The following TBCK variants were observed in gnomAD, a reference collection of about 807,000 sequenced individuals.
TBCK encodes TBC1 domain containing kinase.
Under a neutral mutation model 113.4 loss-of-function variants are expected in TBCK, and 99 were observed. The observed-to-expected ratio is 0.87, with a 90% CI of 0.74 to 1.03. TBCK has a LOEUF of 1.03. TBCK is among the 50% of genes least tolerant of loss of function. The pLI is 0.00. For missense variants in TBCK, 1,045 were observed against 1,061.3 expected, an observed-to-expected ratio of 0.98 and a Z score of 0.21; for synonymous variants, 369 against 370.8, an observed-to-expected ratio of 1.00 and a Z score of 0.05.
chr4:106,068,756 C>A (rs1036112843), intron 25 of TBCK, among the ~76,000 whole-genome samples: 1 of 151,626 alleles, frequency 6.6e-6, no homozygotes, highest in Non-Finnish European at 1.5e-5. Flanking sequence ...CTAGTTTACA[C>A]CCCCAACAGT....
chr4:106,284,378 T>C (rs910215168), intron 3 of TBCK, among the ~76,000 whole-genome samples: 1 of 152,134 alleles, frequency 6.6e-6, no homozygotes, highest in African/African-American at 2.4e-5. Context: ...GAGTAGGCAA[T>C]GTTTTAACAG....
At chr4:106,275,611 C>T (rs1203280206) in intron 3 of TBCK, among the ~76,000 whole-genome samples, 1 of 152,016 alleles carries the variant, frequency 6.6e-6, no homozygotes, top group African/African-American at 2.4e-5. Flanking sequence ...ATAAAAAATT[C>T]ACATATTTCT....
intron 23 of TBCK, among the ~76,000 whole-genome samples, chr4:106,152,617 T>A (rs2149685181): frequency 6.6e-6 from 1 of 152,186 alleles, no homozygotes; most frequent in African/African-American, 2.4e-5. Flanking sequence ...TTTGGAAATC[T>A]TCCCTCCACT....
At chr4:106,273,208 A>G (rs1173750907) in intron 3 of TBCK, among the ~76,000 whole-genome samples, 1 of 152,238 alleles carries the variant, frequency 6.6e-6, no homozygotes, top group Non-Finnish European at 1.5e-5. Flanking sequence ...ACAACTTAAG[A>G]TGAAGTTCCT....
chr4:106,246,017 G>A (rs62318082), intron 10 of TBCK, among the ~76,000 whole-genome samples: 11,660 of 152,106 alleles, frequency 0.077, 509 homozygotes, highest in Middle Eastern at 0.18. Context: ...TATTGGAAAA[G>A]GAATAAGGGG....
intron 5 of TBCK, among the ~76,000 whole-genome samples, chr4:106,258,749 A>C (rs1579424308): frequency 6.6e-6 from 1 of 151,990 alleles, no homozygotes; most frequent in African/African-American, 2.4e-5. Context: ...AATCACTTGT[A>C]CTACAGCTAC....
At chr4:106,146,445 G>T (rs1412645884) in intron 23 of TBCK, among the ~76,000 whole-genome samples, 2 of 152,102 alleles carry the variant, frequency 1.3e-5, no homozygotes, top group East Asian at 3.9e-4. Context: ...TACTTGAGGA[G>T]GGAGAGTGGA....
At chr4:106,070,175 A>G (rs999837644) in intron 25 of TBCK, among the ~76,000 whole-genome samples, 8 of 152,056 alleles carry the variant, frequency 5.3e-5, no homozygotes, top group Non-Finnish European at 1.2e-4. Flanking sequence ...TTCCAACACT[A>G]TGTTGAATAG....
At chr4:106,179,504 C>T (rs1040310470) in intron 22 of TBCK, among the ~76,000 whole-genome samples, 2 of 151,982 alleles carry the variant, frequency 1.3e-5, no homozygotes, top group Admixed American at 6.6e-5. Context: ...TCTTCATTGA[C>T]CCATTTGCTA....
At chr4:106,118,387 C>A in intron 23 of TBCK, among the ~76,000 whole-genome samples, 1 of 152,134 alleles carries the variant, frequency 6.6e-6, no homozygotes. Context: ...ATGGAAATTG[C>A]TAAGCTTTAT....
chr4:106,294,715 T>G (rs1167896845), intron 3 of TBCK, among the ~76,000 whole-genome samples: 1 of 151,844 alleles, frequency 6.6e-6, no homozygotes, highest in Non-Finnish European at 1.5e-5. Context: ...TCTCCTGACC[T>G]TGTGATCCGC....
intron 2 of TBCK, among the ~76,000 whole-genome samples, chr4:106,308,415 A>G (rs1465256444): frequency 6.6e-6 from 1 of 152,224 alleles, no homozygotes; most frequent in Non-Finnish European, 1.5e-5. Context: ...TACAAAATCA[A>G]GGATATGTGA....
intron 19 of TBCK, among the ~76,000 whole-genome samples, chr4:106,226,458 T>C (rs1160255701): frequency 6.6e-6 from 1 of 152,168 alleles, no homozygotes. Flanking sequence ...CCTGTTTTTA[T>C]TGCTTATTTG....
chr4:106,308,760 T>G lies in TBCK; in HGVS notation c.193+8A>C. On this transcript the variant is annotated splice_region_variant and intron_variant, in intron 2 of 25. Transcript: ENST00000394708. ...AACATAAATAGGAAAAAAAAGAAAATAACTTACCATGCTTTCCCCTAGAAA... is the reference window on the plus strand; with the variant it reads ...AACATAAATAGGAAAAAAAAGAAAAGAACTTACCATGCTTTCCCCTAGAAA... 2 of 1,599,688 alleles carry G rather than the reference T, an allele frequency of 1.3e-6. No homozygotes were observed. Among genetic ancestry groups the G allele is most frequent in the Non-Finnish European group, 1.7e-6 (2 of 1,175,576 alleles).
At chr4:106,278,219 A>C (rs1764211070) in intron 3 of TBCK, among the ~76,000 whole-genome samples, 1 of 152,142 alleles carries the variant, frequency 6.6e-6, no homozygotes, top group Non-Finnish European at 1.5e-5. Context: ...GAAGTTTTTC[A>C]GGCAGAAAGG....
chr4:106,293,506 C>T (rs113424159), intron 3 of TBCK, among the ~76,000 whole-genome samples: 4,099 of 152,096 alleles, frequency 0.027, 176 homozygotes, highest in African/African-American at 0.094. Flanking sequence ...AAATGTAATG[C>T]GCTTGTATCA....
chr4:106,247,249 C>A lies in TBCK; in HGVS notation c.821G>T (p.Ser274Ile), dbSNP rs1170131117. ...GGGGGTATATAAAGGTGATACCTCACTGAATACTTTGTCCTTCATTAATTG... is the reference window on the plus strand; with the variant it reads ...GGGGGTATATAAAGGTGATACCTCAATGAATACTTTGTCCTTCATTAATTG... ...PDQLMKDKVFSEVSPLYTPFT... is the reference protein window; with the variant it reads ...PDQLMKDKVFIEVSPLYTPFT... The change falls in exon 10 of 26, where the codon AGT (serine) becomes ATT (isoleucine). Residue 274 changes from serine to isoleucine, a missense_variant. Transcript: ENST00000394708. 2 of 1,612,206 alleles carry A rather than the reference C, an allele frequency of 1.2e-6. No individual in the cohort carries two copies. The highest frequency in any genetic ancestry group is 4.5e-5 in the East Asian group (2 of 44,818).
intron 24 of TBCK, 96 bp downstream of exon 24, chr4:106,116,107 C>T: frequency 8.4e-7 from 1 of 1,194,276 alleles, no homozygotes; most frequent in Non-Finnish European, 1.2e-6. Context: ...CAGAAGAATC[C>T]CAGAATTTTT....
intron 22 of TBCK, among the ~76,000 whole-genome samples, chr4:106,188,740 C>T (rs1753320935): frequency 6.6e-6 from 1 of 152,078 alleles, no homozygotes; most frequent in Admixed American, 6.6e-5. Flanking sequence ...ATTACAGTTC[C>T]CAATACGTAC....
Sources: allele counts gnomAD v4.1 joint callset (sites outside exome capture counted in the v4.1 genomes callset), GRCh38; gene constraint gnomAD v4.1.1; transcripts MANE v1.5; gene names NCBI Gene and HGNC (gene_info 2026-07-23, HGNC 2026-07-21).